The following COG7 variants were observed in gnomAD, a reference collection of about 807,000 sequenced individuals.
COG7 encodes the protein conserved oligomeric Golgi complex subunit 7.
COG7 carries 49 observed loss-of-function variants against 91.5 expected under a neutral mutation model. That is an observed-to-expected ratio of 0.54 (90% CI 0.43 to 0.68). The LOEUF is 0.68. COG7 is among the 30% of genes least tolerant of loss of function. COG7 has a pLI of 0.00. For synonymous variants in COG7, 365 were observed against 388.7 expected (o/e 0.94, Z 0.72); for missense variants, 895 against 961.3 (o/e 0.93, Z 0.91).
At chr16:23,440,078 A>C (rs1964075580) in intron 4 of COG7, among the ~76,000 whole-genome samples, 1 of 136,492 alleles carries the variant, frequency 7.3e-6, no homozygotes, top group Non-Finnish European at 1.5e-5. Flanking sequence ...GCAAGACCCC[A>C]TCTATACAAA....
chr16:23,430,772 C>T (rs1397801786), intron 6 of COG7, among the ~76,000 whole-genome samples: 1 of 151,984 alleles, frequency 6.6e-6, no homozygotes, highest in Non-Finnish European at 1.5e-5. Context: ...AACTCCTGAC[C>T]TCAGGTGATG....
At position 23,403,765 on chromosome 16, in the gene COG7, C is replaced by T. The variant is rs1963415795; in HGVS notation, c.1732G>A (p.Ala578Thr). 1 of 1,614,186 alleles carries T rather than the reference C, an allele frequency of 6.2e-7. No individual in the cohort carries two copies. Among genetic ancestry groups the T allele is most frequent in the Non-Finnish European group, 8.5e-7 (1 of 1,180,026 alleles). ...RAALTRLNQQ[A>T]HQLAFDSVFL... ...ACGGAATCGAAAGCCAGCTGGTGGG[C>T]CTGCTGGTTAAGCCGAGTCAGCGCT... The change falls in exon 13 of 17, where the codon GCC (alanine) becomes ACC (threonine). Residue 578 changes from alanine to threonine, a missense_variant. Transcript: ENST00000307149.
At chr16:23,409,088 T>TGTGCGCGC (rs567307217) in intron 11 of COG7, among the ~76,000 whole-genome samples, 15 of 147,804 alleles carry the variant, frequency 1.0e-4, no homozygotes, top group African/African-American at 3.5e-4. Context: ...TGTGTGTGTG[T>TGTGCGCGC]GCGTGCATGT....
chr16:23,409,088 T>TGTGTGCGCACGC (rs567307217), intron 11 of COG7, among the ~76,000 whole-genome samples: 1 of 147,806 alleles, frequency 6.8e-6, no homozygotes, highest in African/African-American at 2.5e-5. Context: ...TGTGTGTGTG[T>TGTGTGCGCACGC]GCGTGCATGT....
chr16:23,393,138 G>A, intron 15 of COG7, 95 bp downstream of exon 15: 2 of 864,600 alleles, frequency 2.3e-6, no homozygotes, highest in Non-Finnish European at 3.9e-6. Context: ...AGGACTTGGT[G>A]ACAAATGAGC....
intron 14 of COG7, among the ~76,000 whole-genome samples, chr16:23,396,584 C>T (rs1963288568): frequency 6.6e-6 from 1 of 151,908 alleles, no homozygotes; most frequent in Admixed American, 6.6e-5. Flanking sequence ...AAGGCTGTAG[C>T]AGGAGAATCA....
intron 13 of COG7, among the ~76,000 whole-genome samples, chr16:23,399,319 CTGCGAA>C (rs371691387): frequency 1.2e-3 from 184 of 152,298 alleles, no homozygotes; most frequent in African/African-American, 4.3e-3. Flanking sequence ...TTGTTCTTGC[CTGCGAA>C]TGCTCTTTTG....
At chr16:23,435,258 T>C (rs1233779283) in intron 4 of COG7, among the ~76,000 whole-genome samples, 1 of 151,984 alleles carries the variant, frequency 6.6e-6, no homozygotes, top group Admixed American at 6.6e-5. Context: ...TCCCAGCTCC[T>C]TGGGAGGCTG....
chr16:23,442,377 G>T, intron 4 of COG7, 100 bp downstream of exon 4: 158 of 905,518 alleles, frequency 1.7e-4, no homozygotes, highest in Non-Finnish European at 2.6e-4. Flanking sequence ...TCTAATCTAT[G>T]TAATTCAATC....
At chr16:23,392,620 C>G in intron 15 of COG7, 97 bp from the exon 16 acceptor site, 1 of 1,473,024 alleles carries the variant, frequency 6.8e-7, no homozygotes, top group African/African-American at 1.4e-5. Flanking sequence ...ATGGCAAACA[C>G]AGGAAACCGA....
rs200403702 is a variant in COG7, at chr16:23,416,931, A to G, written c.1292+36T>C. ...TTTATCTGGGACAGACACTGCTCCAATGTGGCCCGTCTGGTCCCCAGTTCC... is the reference window on the plus strand; with the variant it reads ...TTTATCTGGGACAGACACTGCTCCAGTGTGGCCCGTCTGGTCCCCAGTTCC... On this transcript the variant is annotated intron_variant, in intron 9 of 16. Transcript: ENST00000307149. The G allele has an allele frequency of 1.5e-3, 2,459 of 1,613,824 alleles. 19 individuals carry two copies. The highest frequency in any genetic ancestry group is 9.9e-3 in the South Asian group (897 of 91,052).
In COG7 at chr16:23,389,240, C is replaced by G. The variant is rs1274977769; in HGVS notation, c.2147-154G>C. 5.3e-5 allele frequency among the ~76,000 whole-genome samples: 8 copies of G among 152,140 alleles called. 1 individual carries two copies. Among genetic ancestry groups the G allele is most frequent in the African/African-American group, 1.9e-4 (8 of 41,430 alleles). ...AACCCTGCCCTCAATAGGCCCTTTA[C>G]TCACCAGGTTCTTCCCACAGTGTCA... is the stretch of plus-strand genomic sequence containing the variant. On this transcript the variant is annotated intron_variant, in intron 16 of 16. Transcript: ENST00000307149.
At chr16:23,403,429 G>A (rs955147744) in intron 13 of COG7, among the ~76,000 whole-genome samples, 1 of 152,224 alleles carries the variant, frequency 6.6e-6, no homozygotes, top group Non-Finnish European at 1.5e-5. Flanking sequence ...TTACTTCTCT[G>A]CTGCTCCAAA....
At chr16:23,440,962 CAA>C (rs1964091384) in intron 4 of COG7, among the ~76,000 whole-genome samples, 1 of 151,190 alleles carries the variant, frequency 6.6e-6, no homozygotes, top group African/African-American at 2.4e-5. Flanking sequence ...GGCAAACATC[CAA>C]AAGAGACCAG....
rs1963963658 is a variant in COG7 at position 23,433,397 on chromosome 16, G to A, written c.810+148C>T. 1.5e-5 allele frequency: 16 copies of A among 1,047,970 alleles called. No homozygotes were observed. The East Asian group carries it at 3.9e-4, about 26-fold the overall frequency. 64.9% of individuals were successfully genotyped at this position (1,047,970 alleles called of 1,614,324 possible). A position where few individuals can be genotyped will look rare whatever the true frequency, so the allele number is the denominator to read the frequency against. On this transcript the variant is annotated intron_variant, in intron 6 of 16. Coordinates refer to ENST00000307149, the MANE Select transcript of COG7 (RefSeq NM_153603.4). ...TGAGCCACCGCACCCGGCCTAACTG[G>A]TTATTTTTTAACCCCTTGAATGACA...
chr16:23,427,812 C>T (rs1256787178), intron 6 of COG7, among the ~76,000 whole-genome samples: 1 of 152,182 alleles, frequency 6.6e-6, no homozygotes, highest in East Asian at 1.9e-4. Context: ...AAGGTTCTTA[C>T]CTGTCTCCAG....
chr16:23,423,715 C>G lies in COG7; in HGVS notation c.1009+1034G>C, dbSNP rs140958673. On this transcript the variant is annotated intron_variant, in intron 7 of 16. Transcript: ENST00000307149. ...TTAAAGAGAAGAACTATTAAATAAACCAAGTCAGTGACACACAGCCGCCGA... is the reference window on the plus strand; with the variant it reads ...TTAAAGAGAAGAACTATTAAATAAAGCAAGTCAGTGACACACAGCCGCCGA... Among the ~76,000 whole-genome samples, 8 of 152,328 alleles carry G rather than the reference C, an allele frequency of 5.3e-5. 1 individual carries two copies. The East Asian group carries it at 1.5e-3, about 29-fold the overall frequency.
At chr16:23,432,773 A>C (rs1377570046) in intron 6 of COG7, among the ~76,000 whole-genome samples, 1 of 152,128 alleles carries the variant, frequency 6.6e-6, no homozygotes, top group Admixed American at 6.6e-5. Context: ...CTTTAAAATT[A>C]TCTCTTCCCC....
At position 23,429,058 on chromosome 16, in the gene COG7, T is replaced by G. The variant is rs111404344; in HGVS notation, c.811-4111A>C. ...AGACTGGAGTGCAGTAGAGCAATCA[T>G]GGCTCATTGAAGCCTCAACTTCCCA... On this transcript the variant is annotated intron_variant, in intron 6 of 16. Coordinates refer to ENST00000307149, the MANE Select transcript of COG7 (RefSeq NM_153603.4). 8.4e-4 allele frequency among the ~76,000 whole-genome samples: 128 copies of G among 152,206 alleles called. 1 individual carries two copies. Among genetic ancestry groups the G allele is most frequent in the African/African-American group, 2.9e-3 (122 of 41,532 alleles).
Sources: allele counts gnomAD v4.1 joint callset (sites outside exome capture counted in the v4.1 genomes callset), GRCh38; gene constraint gnomAD v4.1.1; transcripts MANE v1.5; gene names NCBI Gene and HGNC (gene_info 2026-07-23, HGNC 2026-07-21).